The following C3orf49 variants were observed in gnomAD, a reference collection of about 807,000 sequenced individuals.
The protein encoded by C3orf49 is putative uncharacterized protein C3orf49.
Under a neutral mutation model 13.3 loss-of-function variants are expected in C3orf49, and 27 were observed. The ratio of observed to expected loss-of-function variants is 2.02; its 90% CI spans 1.49 to 2.79. C3orf49 has a LOEUF of 2.79. C3orf49 is among the 30% of genes most tolerant of loss of function. The pLI, the probability that C3orf49 is intolerant of heterozygous loss-of-function variation, is 0.00. For missense variants in C3orf49, 242 were observed against 134.2 expected (o/e 1.80, Z -3.97); for synonymous variants, 87 against 47.6 (o/e 1.83, Z -3.40).
intron 3 of C3orf49, among the ~76,000 whole-genome samples, chr3:63,829,997 T>A (rs1293960892): frequency 1.3e-5 from 2 of 152,184 alleles, no homozygotes; most frequent in Non-Finnish European, 2.9e-5. Flanking sequence ...ATTAATTGTC[T>A]ACGTTTAGAA....
At chr3:63,802,546 T>C in the C3orf49 span, among the ~76,000 whole-genome samples, 2 of 152,194 alleles carry the variant, frequency 1.3e-5, no homozygotes, top group African/African-American at 2.4e-5. Flanking sequence ...TTTAATACAG[T>C]TATGATTATG....
intron 2 of C3orf49, among the ~76,000 whole-genome samples, 197 bp downstream of exon 2, chr3:63,823,766 TTGTGTGTGTGTGTGTGTGTGTG>T (rs55765936): frequency 1.1e-4 from 14 of 122,970 alleles, no homozygotes; most frequent in Non-Finnish European, 2.0e-4. Context: ...GTTCATACCG[TTGTGTGTGTGTGTGTGTGTGTG>T]TGTGTGTGTG....
At chr3:63,792,921 C>G in the C3orf49 span, among the ~76,000 whole-genome samples, 3,747 of 152,248 alleles carry the variant, frequency 0.025, 90 homozygotes, top group African/African-American at 0.063. Flanking sequence ...AACAGCAAAA[C>G]ATTTTTGTTT....
chr3:63,846,040 A>C, intron 6 of C3orf49: 1 of 220,174 alleles, frequency 4.5e-6, no homozygotes, highest in South Asian at 4.7e-5. Flanking sequence ...CTCTAAAATC[A>C]CCTTTTAAAA....
At chr3:63,810,745 C>G in the C3orf49 span, among the ~76,000 whole-genome samples, 1 of 152,154 alleles carries the variant, frequency 6.6e-6, no homozygotes, top group African/African-American at 2.4e-5. Context: ...ATTTGGTTTT[C>G]CACTAAAGGT....
intron 5 of C3orf49, among the ~76,000 whole-genome samples, chr3:63,834,421 AG>A (rs1287781260): frequency 6.6e-6 from 1 of 151,962 alleles, no homozygotes; most frequent in Non-Finnish European, 1.5e-5. Flanking sequence ...GCACTTTGGG[AG>A]GCCAAGGCAG....
chr3:63,803,860 T>A, the C3orf49 span, among the ~76,000 whole-genome samples: 1 of 152,090 alleles, frequency 6.6e-6, no homozygotes, highest in Admixed American at 6.6e-5. Flanking sequence ...TACATTGTAA[T>A]ATATAATACA....
At chr3:63,841,985 A>C (rs1403928505) in intron 5 of C3orf49, among the ~76,000 whole-genome samples, 1 of 152,208 alleles carries the variant, frequency 6.6e-6, no homozygotes, top group Non-Finnish European at 1.5e-5. Context: ...TGGGGATTTC[A>C]AATGTAAATA....
intron 2 of C3orf49, among the ~76,000 whole-genome samples, chr3:63,824,561 G>A (rs894651770): frequency 1.2e-4 from 19 of 152,030 alleles, no homozygotes; most frequent in Admixed American, 2.6e-4. Context: ...AGTCTAGGCC[G>A]GGAGCAGTGG....
chr3:63,780,491 G>A, the C3orf49 span, among the ~76,000 whole-genome samples: 3 of 152,108 alleles, frequency 2.0e-5, no homozygotes, highest in Non-Finnish European at 4.4e-5. Flanking sequence ...ATAATCCTTT[G>A]GGTATATACC....
At chr3:63,846,225 A>G in intron 6 of C3orf49, 2 of 451,668 alleles carry the variant, frequency 4.4e-6, no homozygotes, top group Non-Finnish European at 8.9e-6. Flanking sequence ...TCCCTGAAAA[A>G]AGCAGTTAAA....
At chr3:63,832,663 G>C (rs72888222) in intron 5 of C3orf49, among the ~76,000 whole-genome samples, 4,681 of 150,730 alleles carry the variant, frequency 0.031, 154 homozygotes, top group African/African-American at 0.082. Context: ...CCCTGTCTCA[G>C]AAAAGAAAAA....
chr3:63,839,250 G>A (rs1057062675), intron 5 of C3orf49, among the ~76,000 whole-genome samples: 40 of 152,214 alleles, frequency 2.6e-4, no homozygotes, highest in Middle Eastern at 3.4e-3. Context: ...AAAAGTAATC[G>A]TGGTTTCTGC....
intron 6 of C3orf49, among the ~76,000 whole-genome samples, chr3:63,845,468 G>A (rs1235365344): frequency 6.6e-6 from 1 of 152,184 alleles, no homozygotes; most frequent in Non-Finnish European, 1.5e-5. Context: ...ATGACCAGAG[G>A]GAAATGTGCG....
At chr3:63,790,697 C>T in the C3orf49 span, among the ~76,000 whole-genome samples, 1 of 150,168 alleles carries the variant, frequency 6.7e-6, no homozygotes, top group Non-Finnish European at 1.5e-5. Flanking sequence ...TCTTTCACAT[C>T]TTCCCATTAG....
chr3:63,835,085 C>A, intron 5 of C3orf49: 1 of 1,473,416 alleles, frequency 6.8e-7, no homozygotes, highest in South Asian at 1.2e-5. Flanking sequence ...ATGTATATTT[C>A]AAAAGGTACA....
the C3orf49 span, among the ~76,000 whole-genome samples, chr3:63,813,530 GGGGCA>G: frequency 6.6e-6 from 1 of 152,106 alleles, no homozygotes; most frequent in Non-Finnish European, 1.5e-5. Context: ...ATACTAACCT[GGGGCA>G]GCAATCAACA....
At chr3:63,835,160 A>G (rs936856676) in intron 5 of C3orf49, 7 of 1,613,352 alleles carry the variant, frequency 4.3e-6, no homozygotes, top group Non-Finnish European at 4.2e-6. Context: ...TTACTTTCCA[A>G]TGTTTGCTGA....
rs1233593618 is a variant in C3orf49, at chr3:63,831,740, G to A, written c.745G>A (p.Ala249Thr). Residue 249 changes from alanine to threonine, a missense_variant, in exon 5 of 7, where the codon GCT becomes ACT. Physicochemically the swap from Ala to Thr is moderately conservative, Grantham distance 58. Coordinates refer to ENST00000295896, the MANE Select transcript of C3orf49 (RefSeq NM_001355236.2). ...KSMKLLAQRH[A>T]ELQQCEFLGD... The stretch of plus-strand genomic sequence containing the variant: ...CATGAAGCTACTGGCCCAAAGACAT[G>A]CTGAGCTTCAACAGTGTGAGTTTCT... The A allele has an allele frequency of 2.8e-6, 2 of 703,096 alleles. No individual in the cohort carries two copies. Among genetic ancestry groups the A allele is most frequent in the Non-Finnish European group, 5.2e-6 (2 of 385,032 alleles). 43.6% of individuals were successfully genotyped at this position (703,096 alleles called of 1,614,324 possible). A position where few individuals can be genotyped will look rare whatever the true frequency, so the allele number is the denominator to read the frequency against.
Sources: allele counts gnomAD v4.1 joint callset (sites outside exome capture counted in the v4.1 genomes callset), GRCh38; gene constraint gnomAD v4.1.1; transcripts MANE v1.5; gene names NCBI Gene and HGNC (gene_info 2026-07-23, HGNC 2026-07-21).